Variants in HERC1 observed in about 807,000 individuals in gnomAD.
HERC1 encodes the protein probable E3 ubiquitin-protein ligase HERC1.
A neutral mutation model predicts 554.3 loss-of-function variants in HERC1; 160 were observed. The observed-to-expected ratio is 0.29, with a 90% CI of 0.25 to 0.33. The LOEUF (loss-of-function observed/expected upper bound fraction) is 0.33, where lower values mean the gene tolerates loss of function less well. HERC1 is among the 10% of genes least tolerant of loss of function. The pLI is 1.00. For synonymous variants in HERC1, 2,175 were observed against 2,131.7 expected (o/e 1.02, Z -0.56); for missense variants, 4,919 against 5,918.5 (o/e 0.83, Z 5.54).
intron 69 of HERC1, among the ~76,000 whole-genome samples, chr15:63,629,578 C>A (rs2068456735): frequency 6.6e-6 from 1 of 152,172 alleles, no homozygotes; most frequent in Non-Finnish European, 1.5e-5. Context: ...AGCAGCTAAG[C>A]AAATCAACAT....
rs902189164 is a variant in HERC1 at position 63,727,540 on chromosome 15, T to C, written c.3346+107A>G. 5 of 679,110 alleles carry C rather than the reference T, an allele frequency of 7.4e-6. No homozygotes were observed. The highest frequency in any genetic ancestry group is 5.6e-5 in the East Asian group (2 of 35,984). The allele number at this position is 679,110 out of a possible 1,614,324, so 42.1% of individuals were successfully genotyped here. On this transcript the variant is annotated intron_variant, in intron 17 of 77. Coordinates refer to ENST00000443617, the MANE Select transcript of HERC1 (RefSeq NM_003922.4). The surrounding 1 kb of genome is among the most constrained non-coding windows in gnomAD (Gnocchi z 4.3). ...TTAAGATTTCAGTGATGAAATTCCT[T>C]TGATAGCCTTAGGATAGATAGACTC...
intron 12 of HERC1, among the ~76,000 whole-genome samples, chr15:63,745,219 G>A (rs73450280): frequency 0.032 from 4,873 of 152,216 alleles, 262 homozygotes; most frequent in African/African-American, 0.11. Flanking sequence ...CATTGGGGTC[G>A]GGGAGGCGGG....
rs781605738 is a variant in HERC1, at chr15:63,612,380, G to C, written c.14271C>G (p.Phe4757Leu). The C allele has an allele frequency of 7.4e-6, 12 of 1,613,896 alleles. No homozygotes were observed. The African/African-American group carries it at 1.3e-4, about 18-fold the overall frequency. The change falls in exon 77 of 78, where the codon TTC becomes TTG. Residue 4757 changes from phenylalanine (F) to leucine (L), a missense_variant. Physicochemically the swap from Phe to Leu is conservative, Grantham distance 22. Transcript: ENST00000443617. This position sits in a 1 kb window ranked among gnomAD's most constrained non-coding sequence, Gnocchi z 5.0. ...TGGAGAACTCTTCCAGCGTGTGCCAGAACCACTGCACCAGCTGATGCTGCT... is the reference window on the plus strand; with the variant it reads ...TGGAGAACTCTTCCAGCGTGTGCCACAACCACTGCACCAGCTGATGCTGCT... ...VDEQHQLVQW[F>L]WHTLEEFSNE...
intron 68 of HERC1, among the ~76,000 whole-genome samples, chr15:63,631,685 C>T (rs113406188): frequency 0.019 from 2,943 of 152,274 alleles, 36 homozygotes; most frequent in Non-Finnish European, 0.028. Context: ...GGATTACAGG[C>T]GCCTGCCACC....
rs2152996828 is a variant in HERC1 at position 63,680,228 on chromosome 15, C to T, written c.6466-68G>A. The stretch of plus-strand genomic sequence containing the variant: ...ATTTTTTTAATTCACAATATCTAAC[C>T]ACATTAGAATTGAAAGCTTTTATGA... On this transcript the variant is annotated intron_variant, in intron 35 of 77. Coordinates refer to ENST00000443617, the MANE Select transcript of HERC1 (RefSeq NM_003922.4). This position sits in a 1 kb window ranked among gnomAD's most constrained non-coding sequence, Gnocchi z 5.8. 8.4e-7 allele frequency: 1 copy of T among 1,191,254 alleles called. No individual in the cohort carries two copies. Among genetic ancestry groups the T allele is most frequent in the Non-Finnish European group, 1.2e-6 (1 of 817,254 alleles). The allele number at this position is 1,191,254 out of a possible 1,614,324, so 73.8% of individuals were successfully genotyped here.
chr15:63,639,556 A>G (rs2068941537), intron 61 of HERC1, among the ~76,000 whole-genome samples: 1 of 152,220 alleles, frequency 6.6e-6, no homozygotes, highest in Admixed American at 6.5e-5. Context: ...TACTTAATTT[A>G]TATTTGTCTG....
At chr15:63,761,671 C>A (rs904957683) in intron 3 of HERC1, among the ~76,000 whole-genome samples, 1 of 151,590 alleles carries the variant, frequency 6.6e-6, no homozygotes. Flanking sequence ...ACAGGGAAAG[C>A]ATAATTTAGA....
Position 63,713,486 on chromosome 15 carries a change from A to G in HERC1, c.4330T>C (p.Ser1444Pro). The G allele has an allele frequency of 6.2e-7, 1 of 1,614,016 alleles. No homozygotes were observed. The change falls in exon 23 of 78, where the codon TCC (serine) becomes CCC (proline). Residue 1444 changes from serine (S) to proline (P), a missense_variant. Physicochemically the swap from Ser to Pro is moderately conservative, Grantham distance 74. Around this residue, in one of 11 missense-constraint regions of HERC1, gnomAD observed 1,121 missense variants for 1,244.0 expected, o/e 0.90. Coordinates refer to ENST00000443617, the MANE Select transcript of HERC1 (RefSeq NM_003922.4). ...GQDVYTAACN[S>P]VIHRCALLIL... ...AACAGGGCACACCGATGGATCACGG[A>G]GTTGCATGCAGCAGTGTACACATCC...
intron 12 of HERC1, among the ~76,000 whole-genome samples, chr15:63,737,713 TC>T (rs913052047): frequency 2.0e-5 from 3 of 151,304 alleles, no homozygotes; most frequent in Non-Finnish European, 2.9e-5. Flanking sequence ...GTTATGACTT[TC>T]CCCACATCAG....
chr15:63,697,800 T>C (rs1209601729), intron 26 of HERC1, among the ~76,000 whole-genome samples: 1 of 152,158 alleles, frequency 6.6e-6, no homozygotes, highest in African/African-American at 2.4e-5. Flanking sequence ...GTTTCTGCAA[T>C]GTGAAGTTAC....
intron 32 of HERC1, among the ~76,000 whole-genome samples, chr15:63,690,118 G>A (rs1480000551): frequency 1.4e-5 from 2 of 147,970 alleles, no homozygotes; most frequent in East Asian, 2.0e-4. Context: ...AGCTGAGATC[G>A]CGCCACTGCA....
intron 40 of HERC1, 73 bp from the exon 41 acceptor site, chr15:63,666,545 CTCAAT>C: frequency 2.1e-6 from 2 of 956,066 alleles, no homozygotes; most frequent in Non-Finnish European, 3.2e-6. Flanking sequence ...CTTCATAGTC[CTCAAT>C]TTCCTAGTAT....
chr15:63,633,845 G>A lies in HERC1; in HGVS notation c.12693+3C>T, dbSNP rs1010072500. On this transcript the variant is annotated splice_donor_region_variant and intron_variant, in intron 67 of 77. Coordinates refer to ENST00000443617, the MANE Select transcript of HERC1 (RefSeq NM_003922.4). Reference sequence around the variant, plus strand: ...GAAAACCTAGACTCAAGGCAGTACTGACCTGAGGTGAAGATTTTGCAGTGG... The same window carrying A: ...GAAAACCTAGACTCAAGGCAGTACTAACCTGAGGTGAAGATTTTGCAGTGG... 1 of 1,612,402 alleles carries A rather than the reference G, an allele frequency of 6.2e-7. No homozygotes were observed. Among genetic ancestry groups the A allele is most frequent in the East Asian group, 2.2e-5 (1 of 44,834 alleles).
rs2067830831 is a variant in HERC1 at position 63,616,619 on chromosome 15, A to T, written c.13752T>A (p.Ile4584=). 1 of 1,613,830 alleles carries T rather than the reference A, an allele frequency of 6.2e-7. No individual in the cohort carries two copies. Among genetic ancestry groups the T allele is most frequent in the African/African-American group, 1.3e-5 (1 of 74,938 alleles). The part of the protein sequence containing the change: ...EHLMQFKFLG[I]LMGVAIRTKK... ...TTGTGCGAATGGCAACCCCCATTAA[A>T]ATTCCTAAAAACTTAAACTGCATTA... Residue 4584 remains isoleucine (I), a synonymous_variant, in exon 75 of 78, where the codon ATT becomes ATA. Coordinates refer to ENST00000443617, the MANE Select transcript of HERC1 (RefSeq NM_003922.4).
chr15:63,801,031 G>A (rs1282921642), intron 1 of HERC1, among the ~76,000 whole-genome samples: 1 of 152,170 alleles, frequency 6.6e-6, no homozygotes, highest in East Asian at 1.9e-4. Flanking sequence ...AAAACCCCTA[G>A]ACAGGGTTCA....
intron 25 of HERC1, among the ~76,000 whole-genome samples, chr15:63,699,370 C>G (rs1350821633): frequency 3.3e-5 from 5 of 152,218 alleles, no homozygotes; most frequent in South Asian, 2.1e-4. Flanking sequence ...GCACTTAAGA[C>G]ACTGCTAGTA....
intron 57 of HERC1, 109 bp downstream of exon 57, chr15:63,644,883 T>C (rs549462046): frequency 6.0e-5 from 45 of 747,704 alleles, no homozygotes; most frequent in Non-Finnish European, 9.9e-5. Context: ...CCAATGGATC[T>C]TGCCCTTTGG....
chr15:63,692,327 G>T lies in HERC1; in HGVS notation c.5830+84C>A. 1 of 1,018,244 alleles carries T rather than the reference G, an allele frequency of 9.8e-7. No individual in the cohort carries two copies. Among genetic ancestry groups the T allele is most frequent in the Non-Finnish European group, 1.4e-6 (1 of 716,472 alleles). The allele number at this position is 1,018,244 out of a possible 1,614,324, so 63.1% of individuals were successfully genotyped here. On this transcript the variant is annotated intron_variant, in intron 31 of 77. Coordinates refer to ENST00000443617, the MANE Select transcript of HERC1 (RefSeq NM_003922.4). This position sits in a 1 kb window ranked among gnomAD's most constrained non-coding sequence, Gnocchi z 4.7. ...AGCCTTCAAATCAAGGTTACACATG[G>T]AGTGTTGCTAAAGTCTGGCATTATC...
intron 61 of HERC1, among the ~76,000 whole-genome samples, chr15:63,639,410 C>T (rs62012836): frequency 0.16 from 24,324 of 152,096 alleles, 2,294 homozygotes; most frequent in Middle Eastern, 0.21. Context: ...AGTCTTGTTG[C>T]AAGTAGGCTG....
Sources: gnomAD v4.1 joint callset for allele counts (sites outside exome capture counted in the v4.1 genomes callset) on GRCh38, gnomAD v4.1.1 for gene constraint, gnomAD v4.1.1 regional missense constraint, Gnocchi (gnomAD v3.1) non-coding constraint, MANE v1.5 for transcripts, NCBI Gene and HGNC (gene_info 2026-07-23, HGNC 2026-07-21) for gene names.